Variants in R3HDM1 observed in about 807,000 individuals in gnomAD.
R3HDM1 encodes R3H domain-containing protein 1.
R3HDM1 carries 46 observed loss-of-function variants against 141.1 expected under a neutral mutation model. The observed-to-expected ratio is 0.33, with a 90% confidence interval of 0.26 to 0.42. The LOEUF is 0.42. Ranked by LOEUF, R3HDM1 falls within the 10% of genes least tolerant of loss-of-function variation. The probability of loss-of-function intolerance (pLI) is 1.00; values close to 1 mark genes in which losing one functional copy is unlikely to be tolerated. For synonymous variants in R3HDM1, 435 were observed against 472.9 expected, an observed-to-expected ratio of 0.92 and a Z score of 1.04; for missense variants, 1,184 against 1,368.3, an observed-to-expected ratio of 0.87 and a Z score of 2.12.
In R3HDM1 at chr2:135,621,528, A is replaced by G; in HGVS notation, c.338A>G (p.Glu113Gly). Residue 113 changes from glutamate (E) to glycine (G), a missense_variant, in exon 6 of 27, where the codon GAG becomes GGG. Around this residue, in one of 5 missense-constraint regions of R3HDM1, gnomAD observed 192 missense variants for 215.7 expected, o/e 0.89. Coordinates refer to ENST00000683871, the MANE Select transcript of R3HDM1 (RefSeq NM_001378107.1). ...CAGATCCAGTTAACACAATCATTTG[A>G]GAAAGAAGAGAAGCCCTCAAAAGAT... ...KIQIQLTQSF[E>G]KEEKPSKDEA... 1.3e-6 allele frequency: 2 copies of G among 1,595,894 alleles called. No individual in the cohort carries two copies. The highest frequency in any genetic ancestry group is 1.2e-5 in the South Asian group (1 of 85,892).
At chr2:135,540,487 G>A (rs1697240245) in intron 1 of R3HDM1, among the ~76,000 whole-genome samples, 1 of 152,326 alleles carries the variant, frequency 6.6e-6, no homozygotes, top group South Asian at 2.1e-4. Context: ...GTGTAGTGCT[G>A]CTGTCATAGC....
chr2:135,653,821 G>T (rs1366185437), intron 18 of R3HDM1, among the ~76,000 whole-genome samples: 2 of 152,084 alleles, frequency 1.3e-5, no homozygotes, highest in African/African-American at 4.8e-5. Flanking sequence ...CTAGCTACTC[G>T]GTAGCGTGAG....
intron 1 of R3HDM1, among the ~76,000 whole-genome samples, chr2:135,565,334 T>C (rs1228127438): frequency 1.4e-5 from 2 of 146,590 alleles, no homozygotes; most frequent in Admixed American, 1.4e-4. Context: ...TTATTATTAT[T>C]ATTATTATTA....
intron 1 of R3HDM1, among the ~76,000 whole-genome samples, chr2:135,534,578 T>C (rs968712950): frequency 6.6e-6 from 1 of 152,218 alleles, no homozygotes; most frequent in African/African-American, 2.4e-5. Flanking sequence ...TGAAGACAGT[T>C]ATATTATGAA....
chr2:135,693,363 A>G (rs1227992333), intron 21 of R3HDM1, among the ~76,000 whole-genome samples: 2 of 150,790 alleles, frequency 1.3e-5, no homozygotes, highest in African/African-American at 4.9e-5. Context: ...ATAGCCAGCA[A>G]AAAAAAAAGA....
intron 18 of R3HDM1, among the ~76,000 whole-genome samples, chr2:135,655,555 G>A (rs186403481): frequency 9.2e-5 from 14 of 151,830 alleles, no homozygotes; most frequent in African/African-American, 3.4e-4. Context: ...CACCCAGGCT[G>A]GAGTGCAGTG....
At chr2:135,629,155 A>C (rs2062374651) in intron 7 of R3HDM1, among the ~76,000 whole-genome samples, 1 of 151,892 alleles carries the variant, frequency 6.6e-6, no homozygotes, top group South Asian at 2.1e-4. Context: ...TGTGACTACT[A>C]AAAATACAAA....
intron 24 of R3HDM1, chr2:135,721,622 C>G (rs1172205195): frequency 4.9e-6 from 1 of 204,820 alleles, no homozygotes; most frequent in Non-Finnish European, 1.0e-5. Context: ...GTCTCTCACT[C>G]CGTCACCCAG....
At chr2:135,683,553 C>CA (rs779221502) in intron 21 of R3HDM1, among the ~76,000 whole-genome samples, 1,804 of 42,692 alleles carry the variant, frequency 0.042, 52 homozygotes, top group African/African-American at 0.19. Context: ...GAACCTATCT[C>CA]AAAAAAAAAA....
intron 24 of R3HDM1, among the ~76,000 whole-genome samples, chr2:135,719,040 C>T (rs1299211079): frequency 2.0e-5 from 3 of 151,932 alleles, no homozygotes; most frequent in Admixed American, 1.3e-4. Flanking sequence ...CTCAGCTACT[C>T]AGGAGGCTGA....
chr2:135,563,424 T>A (rs1702158360), intron 1 of R3HDM1, among the ~76,000 whole-genome samples: 1 of 152,268 alleles, frequency 6.6e-6, no homozygotes, highest in South Asian at 2.1e-4. Context: ...TTTGATCCAC[T>A]GTCAATTCTG....
chr2:135,636,968 A>G (rs766637590), intron 11 of R3HDM1, among the ~76,000 whole-genome samples: 25 of 152,296 alleles, frequency 1.6e-4, no homozygotes, highest in South Asian at 8.3e-4. Context: ...GGTAGATACT[A>G]TCATTGTTTT....
chr2:135,555,880 G>A (rs1427961289), intron 1 of R3HDM1, among the ~76,000 whole-genome samples: 3 of 152,134 alleles, frequency 2.0e-5, no homozygotes, highest in African/African-American at 7.2e-5. Context: ...GCTGGGCATG[G>A]TGGCATACAT....
chr2:135,646,302 A>T (rs2064398117), intron 16 of R3HDM1, among the ~76,000 whole-genome samples: 1 of 150,992 alleles, frequency 6.6e-6, no homozygotes, highest in Admixed American at 6.6e-5. Context: ...CGCCCGGCAA[A>T]TTTTTTGTAT....
At chr2:135,639,322 C>T (rs58931008) in intron 14 of R3HDM1, among the ~76,000 whole-genome samples, 200 bp downstream of exon 14, 8,964 of 152,202 alleles carry the variant, frequency 0.059, 490 homozygotes, top group African/African-American at 0.14. Flanking sequence ...CACAGATTTA[C>T]AACCATCAAT....
In R3HDM1 at chr2:135,639,047, T is replaced by C. The variant is rs1484009365; in HGVS notation, c.1144T>C (p.Phe382Leu). The C allele has an allele frequency of 1.2e-6, 2 of 1,614,158 alleles. No individual in the cohort carries two copies. Among genetic ancestry groups the C allele is most frequent in the Non-Finnish European group, 1.7e-6 (2 of 1,180,028 alleles). ...ACCTGCTGTAACCAAAGCCAGCAGCTTCAGTGGAATCTCAGTCCTGACAAG... is the reference window on the plus strand; with the variant it reads ...ACCTGCTGTAACCAAAGCCAGCAGCCTCAGTGGAATCTCAGTCCTGACAAG... ...LKPAVTKASS[F>L]SGISVLTRGD... is the part of the protein sequence containing the mutation. The change falls in exon 14 of 27, where the codon TTC (phenylalanine) becomes CTC (leucine). Residue 382 changes from phenylalanine (F) to leucine (L), a missense_variant. Transcript: ENST00000683871.
intron 14 of R3HDM1, among the ~76,000 whole-genome samples, chr2:135,640,928 C>T (rs573531691): frequency 1.4e-4 from 21 of 152,210 alleles, no homozygotes; most frequent in African/African-American, 5.1e-4. Flanking sequence ...AGTATAAGTA[C>T]TTGGAATATA....
chr2:135,701,338 G>T (rs2074177996), intron 21 of R3HDM1, among the ~76,000 whole-genome samples: 1 of 151,984 alleles, frequency 6.6e-6, no homozygotes, highest in Non-Finnish European at 1.5e-5. Context: ...CGGAGTTCAA[G>T]GTTACAGTGA....
intron 21 of R3HDM1, among the ~76,000 whole-genome samples, chr2:135,698,104 G>T (rs1438436872): frequency 6.6e-6 from 1 of 150,408 alleles, no homozygotes; most frequent in African/African-American, 2.4e-5. Context: ...GTAGGAGGGG[G>T]TTTTGATGTT....
Sources: allele counts gnomAD v4.1 joint callset (sites outside exome capture counted in the v4.1 genomes callset), GRCh38; gene constraint gnomAD v4.1.1; regional missense constraint gnomAD v4.1.1; transcripts MANE v1.5; gene names NCBI Gene and HGNC (gene_info 2026-07-23, HGNC 2026-07-21).